The following DHRS3 variants were observed in gnomAD, a reference collection of about 807,000 sequenced individuals.
DHRS3 encodes the protein dehydrogenase/reductase 3.
In DHRS3, 14 loss-of-function variants were observed where a neutral mutation model predicts 27.2. That is an observed-to-expected ratio of 0.52 (90% CI 0.34 to 0.81). DHRS3 has a LOEUF of 0.81. DHRS3 is among the 30% of genes least tolerant of loss of function. DHRS3 has a pLI of 0.01. For synonymous variants in DHRS3, 165 were observed against 175.9 expected, an observed-to-expected ratio of 0.94 and a Z score of 0.49; for missense variants, 322 against 406.2, an observed-to-expected ratio of 0.79 and a Z score of 1.78.
At chr1:12,600,534 G>A (rs910392680) in intron 1 of DHRS3, among the ~76,000 whole-genome samples, 2 of 152,222 alleles carry the variant, frequency 1.3e-5, no homozygotes, top group East Asian at 3.9e-4. Flanking sequence ...AGGACTGCCT[G>A]CCTGCATGAA....
chr1:12,569,399 T>C (rs578005745), intron 5 of DHRS3, among the ~76,000 whole-genome samples: 3 of 152,056 alleles, frequency 2.0e-5, no homozygotes, highest in Non-Finnish European at 2.9e-5. Context: ...TTTTTGTGGG[T>C]ACATAGTAGG....
Position 12,604,138 on chromosome 1 carries a change from C to G in DHRS3, c.195+13016G>C, listed in dbSNP as rs541431086. The stretch of plus-strand genomic sequence containing the variant: ...GACCCTTGAAGGGCTCTACAACCAG[C>G]AGAAAAATGGAGAGTTCCTGCAACC... On this transcript the variant is annotated intron_variant, in intron 1 of 5. Coordinates refer to ENST00000616661, the MANE Select transcript of DHRS3 (RefSeq NM_004753.7). 8.0e-4 allele frequency among the ~76,000 whole-genome samples: 122 copies of G among 152,306 alleles called. 1 individual carries two copies. In the South Asian group the frequency reaches 0.011, roughly 14 times the overall value.
At chr1:12,572,536 G>A (rs1646547070) in intron 5 of DHRS3, among the ~76,000 whole-genome samples, 192 bp downstream of exon 5, 1 of 152,188 alleles carries the variant, frequency 6.6e-6, no homozygotes, top group Non-Finnish European at 1.5e-5. Context: ...AGCTCTTTGG[G>A]TTCCTCCATA....
In DHRS3 at chr1:12,568,345, T is replaced by C. The variant is rs1646502955; in HGVS notation, c.904A>G (p.Thr302Ala). The C allele has an allele frequency of 1.9e-6, 3 of 1,613,586 alleles. No homozygotes were observed. Among genetic ancestry groups the C allele is most frequent in the Non-Finnish European group, 2.5e-6 (3 of 1,179,654 alleles). Reference protein sequence around the residue: ...YTCMNTFKGRT With the variant: ...YTCMNTFKGRA ...AGCATGTCTTCATCCTGTCTCTATG[T>C]CCGCCCTTTGAAAGTGTTCATGCAG... is the stretch of plus-strand genomic sequence containing the variant. The change falls in exon 6 of 6, where the codon ACA becomes GCA. Residue 302 changes from threonine (T) to alanine (A), a missense_variant. Physicochemically the swap from Thr to Ala is moderately conservative, Grantham distance 58 (BLOSUM62 0). Coordinates refer to ENST00000616661, the MANE Select transcript of DHRS3 (RefSeq NM_004753.7).
chr1:12,595,235 C>A (rs551281281), intron 1 of DHRS3, among the ~76,000 whole-genome samples: 1 of 152,216 alleles, frequency 6.6e-6, no homozygotes, highest in African/African-American at 2.4e-5. Context: ...GCCGTCCCAA[C>A]CCTGGCCCTG....
At chr1:12,616,428 T>C (rs2100733555) in intron 1 of DHRS3, 1 of 458,202 alleles carries the variant, frequency 2.2e-6, no homozygotes, top group Non-Finnish European at 2.9e-6. Context: ...TTAAAGGCCG[T>C]GTTTGGTGGG....
intron 1 of DHRS3, among the ~76,000 whole-genome samples, chr1:12,612,142 T>C (rs1212393744): frequency 6.6e-6 from 1 of 151,994 alleles, no homozygotes; most frequent in Non-Finnish European, 1.5e-5. Flanking sequence ...CAGAAACACT[T>C]CCAGATGTCA....
In DHRS3 at chr1:12,586,095, G is replaced by C. The variant is rs1646694939; in HGVS notation, c.196-5429C>G. Reference sequence around the variant, plus strand: ...CTGGTAGGGGGAGGCAGGAAGGGGAGAAAGACCTCTGGTCTCCGGGGCCCC... The same window carrying C: ...CTGGTAGGGGGAGGCAGGAAGGGGACAAAGACCTCTGGTCTCCGGGGCCCC... On this transcript the variant is annotated intron_variant, in intron 1 of 5. Coordinates refer to ENST00000616661, the MANE Select transcript of DHRS3 (RefSeq NM_004753.7). This position sits in a 1 kb window ranked among gnomAD's most constrained non-coding sequence, Gnocchi z 5.0. 6.6e-6 allele frequency among the ~76,000 whole-genome samples: 1 copy of C among 152,242 alleles called. No individual in the cohort carries two copies. Among genetic ancestry groups the C allele is most frequent in the South Asian group, 2.1e-4 (1 of 4,836 alleles).
chr1:12,582,500 G>A (rs910828555), intron 1 of DHRS3, among the ~76,000 whole-genome samples: 6 of 152,210 alleles, frequency 3.9e-5, no homozygotes, highest in Admixed American at 1.3e-4. Flanking sequence ...AAGGCAGATG[G>A]ACTGCAATTA....
intron 1 of DHRS3, among the ~76,000 whole-genome samples, chr1:12,610,547 G>A (rs887201787): frequency 1.3e-5 from 2 of 152,180 alleles, no homozygotes; most frequent in Non-Finnish European, 2.9e-5. Flanking sequence ...GTATGAATAA[G>A]TGAATAAATG....
In DHRS3 at chr1:12,584,049, G is replaced by A. The variant is rs771237890; in HGVS notation, c.196-3383C>T. 4.6e-5 allele frequency among the ~76,000 whole-genome samples: 7 copies of A among 151,502 alleles called. No individual in the cohort carries two copies. The South Asian group carries it at 6.3e-4, about 14-fold the overall frequency. On this transcript the variant is annotated intron_variant, in intron 1 of 5. Coordinates refer to ENST00000616661, the MANE Select transcript of DHRS3 (RefSeq NM_004753.7). ...TTTCCATTCTTCTGTTCTGGTCCCT[G>A]CCTAACCCCATCCTACCTCTGGCTC...
Position 12,583,708 on chromosome 1 carries a change from A to T in DHRS3, c.196-3042T>A, listed in dbSNP as rs889599008. On this transcript the variant is annotated intron_variant, in intron 1 of 5. Transcript: ENST00000616661. ...CATCCATCCACCCATTCATCCACTC[A>T]CCTACCCTACTCCATCCATTCATGC... 6.7e-4 allele frequency among the ~76,000 whole-genome samples: 99 copies of T among 146,986 alleles called. 1 individual carries two copies. Among genetic ancestry groups the T allele is most frequent in the African/African-American group, 2.4e-3 (94 of 39,078 alleles).
intron 1 of DHRS3, among the ~76,000 whole-genome samples, chr1:12,596,856 G>A (rs1441750837): frequency 6.6e-6 from 1 of 152,168 alleles, no homozygotes; most frequent in Non-Finnish European, 1.5e-5. Context: ...CTGGCACGGG[G>A]AGAACTTGGA....
In DHRS3 at chr1:12,568,161, C is replaced by T. The variant is rs557287947; in HGVS notation, c.*179G>A. 2 of 579,882 alleles carry T rather than the reference C, an allele frequency of 3.4e-6. No individual in the cohort carries two copies. Among genetic ancestry groups the T allele is most frequent in the African/African-American group, 1.9e-5 (1 of 53,398 alleles). 35.9% of individuals were successfully genotyped at this position (579,882 alleles called of 1,614,324 possible). On this transcript the variant is annotated 3_prime_UTR_variant, in exon 6 of 6. Transcript: ENST00000616661. ...TGCCTCCCTGTGGGGGTCAGTTATA[C>T]CCATCAGTCCTGTGCAAAGGTCCTG...
chr1:12,599,818 G>T (rs1458094917), intron 1 of DHRS3, among the ~76,000 whole-genome samples: 4 of 152,180 alleles, frequency 2.6e-5, no homozygotes, highest in African/African-American at 7.2e-5. Context: ...GAATCCCATG[G>T]CTACCTGGGC....
At chr1:12,582,447 G>T (rs1004617028) in intron 1 of DHRS3, among the ~76,000 whole-genome samples, 1 of 152,186 alleles carries the variant, frequency 6.6e-6, no homozygotes, top group African/African-American at 2.4e-5. Flanking sequence ...GGCTTAACAA[G>T]TGGGTCCCGT....
chr1:12,611,956 A>AATAAATAAATAAATAAATAC (rs1481366604), intron 1 of DHRS3, among the ~76,000 whole-genome samples: 2 of 151,908 alleles, frequency 1.3e-5, no homozygotes, highest in African/African-American at 4.8e-5. Flanking sequence ...TAAATAAATA[A>AATAAATAAATAAATAAATAC]ATAAAAGCTC....
chr1:12,606,311 CAAAA>C (rs56928608), intron 1 of DHRS3, among the ~76,000 whole-genome samples: 1 of 98,246 alleles, frequency 1.0e-5, no homozygotes, highest in Non-Finnish European at 2.0e-5. Context: ...CAATTAACAG[CAAAA>C]AAAAAAAAAA....
intron 1 of DHRS3, among the ~76,000 whole-genome samples, chr1:12,583,635 C>CCA (rs1557518914): frequency 9.2e-5 from 13 of 141,602 alleles, no homozygotes; most frequent in Admixed American, 4.2e-4. Context: ...CCATCCATCC[C>CCA]TCCCTCACAT....
Sources: allele counts gnomAD v4.1 joint callset (sites outside exome capture counted in the v4.1 genomes callset), GRCh38; gene constraint gnomAD v4.1.1; non-coding constraint Gnocchi (gnomAD v3.1); transcripts MANE v1.5; gene names NCBI Gene and HGNC (gene_info 2026-07-23, HGNC 2026-07-21).